Variants in BRCA1 observed in about 807,000 individuals in gnomAD.
BRCA1 encodes the protein breast cancer type 1 susceptibility protein.
Under a neutral mutation model 173.7 loss-of-function variants are expected in BRCA1, and 140 were observed. The observed-to-expected ratio is 0.81, with a 90% CI of 0.70 to 0.93. The LOEUF (loss-of-function observed/expected upper bound fraction) is 0.93, where lower values mean the gene tolerates loss of function less well. Among genes scored for constraint, BRCA1 ranks in the 40% least tolerant of loss-of-function variants. The pLI, the probability that BRCA1 is intolerant of heterozygous loss-of-function variation, is 0.00. For synonymous variants in BRCA1, 662 were observed against 756.0 expected (o/e 0.88, Z 2.04); for missense variants, 1,983 against 2,172.5 (o/e 0.91, Z 1.73).
chr17:43,143,042 ATGTATATATG>A (rs1392719077), intron 1 of BRCA1, among the ~76,000 whole-genome samples: 8 of 149,498 alleles, frequency 5.4e-5, no homozygotes, highest in African/African-American at 1.7e-4. Context: ...GTGTATATAT[ATGTATATATG>A]TGTATATATA....
intron 1 of BRCA1, among the ~76,000 whole-genome samples, chr17:43,155,534 CTT>C (rs1041261245): frequency 6.6e-6 from 1 of 151,794 alleles, no homozygotes; most frequent in Non-Finnish European, 1.5e-5. Context: ...TCCAGTGAAA[CTT>C]TTTTTGGGGG....
At chr17:43,155,555 G>A (rs1485902286) in intron 1 of BRCA1, among the ~76,000 whole-genome samples, 1 of 151,576 alleles carries the variant, frequency 6.6e-6, no homozygotes, top group Non-Finnish European at 1.5e-5. Flanking sequence ...GGGAGATGGA[G>A]TCTCACTCAC....
intron 1 of BRCA1, chr17:43,145,056 C>T (rs897403667): frequency 2.2e-5 from 18 of 806,156 alleles, no homozygotes; most frequent in Middle Eastern, 2.4e-4. Flanking sequence ...AAAGTGGAAG[C>T]GAAGCCGAAA....
chr17:43,145,494 T>G (rs956424885), intron 1 of BRCA1, among the ~76,000 whole-genome samples: 2 of 151,896 alleles, frequency 1.3e-5, no homozygotes, highest in African/African-American at 2.4e-5. Flanking sequence ...GCCCGGCTAA[T>G]TTTTTGTATT....
rs376686434 is a variant in BRCA1, at chr17:43,086,109, TACACACACACACAC to T, written c.4186-3548_4186-3535del. 2.8e-4 allele frequency among the ~76,000 whole-genome samples: 39 copies of T among 137,458 alleles called. No individual in the cohort carries two copies. In the East Asian group the frequency reaches 4.2e-3, roughly 15 times the overall value. 90.2% of individuals were successfully genotyped at this position (137,458 alleles called of 152,430 possible). A position where few individuals can be genotyped will look rare whatever the true frequency, so the allele number is the denominator to read the frequency against. On this transcript the variant is annotated intron_variant, in intron 11 of 22. Coordinates refer to ENST00000357654, the MANE Select transcript of BRCA1 (RefSeq NM_007294.4). ...TCCTATATTTATTTTATCACATACA[TACACACACACACAC>T]ACACACACACACACACACACACACA...
chr17:43,135,162 G>A (rs1233634485), intron 1 of BRCA1, among the ~76,000 whole-genome samples: 4 of 152,224 alleles, frequency 2.6e-5, no homozygotes, highest in Non-Finnish European at 4.4e-5. Flanking sequence ...CGCCTTAGGC[G>A]GTTCTGCGGA....
intron 2 of BRCA1, among the ~76,000 whole-genome samples, chr17:43,121,374 C>CA (rs1051528155): frequency 1.3e-5 from 2 of 149,872 alleles, no homozygotes; most frequent in South Asian, 2.1e-4. Context: ...GACCGTGTCT[C>CA]AAAAAAACAA....
Position 43,063,806 on chromosome 17 carries a change from A to T in BRCA1, c.5152+68T>A. On this transcript the variant is annotated intron_variant, in intron 17 of 22. Coordinates refer to ENST00000357654, the MANE Select transcript of BRCA1 (RefSeq NM_007294.4). ...GCATCAGCAAAAACCTTAGGTGTTAAACGTTAGGTGTAAAAATGCAATTCT... is the reference window on the plus strand; with the variant it reads ...GCATCAGCAAAAACCTTAGGTGTTATACGTTAGGTGTAAAAATGCAATTCT... 5 of 1,320,460 alleles carry T rather than the reference A, an allele frequency of 3.8e-6. No individual in the cohort carries two copies. The South Asian group carries it at 6.0e-5, about 16-fold the overall frequency. The allele number at this position is 1,320,460 out of a possible 1,614,324, so 81.8% of individuals were successfully genotyped here. A position where few individuals can be genotyped will look rare whatever the true frequency, so the allele number is the denominator to read the frequency against.
intron 1 of BRCA1, among the ~76,000 whole-genome samples, chr17:43,132,054 G>C (rs2055971224): frequency 6.6e-6 from 1 of 152,186 alleles, no homozygotes; most frequent in Non-Finnish European, 1.5e-5. Context: ...AAAGTTATGG[G>C]ATTACAGGCA....
chr17:43,044,911 C>T lies in BRCA1; in HGVS notation c.*767G>A, dbSNP rs1194838126. 1.9e-5 allele frequency: 9 copies of T among 474,602 alleles called. No homozygotes were observed. Among genetic ancestry groups the T allele is most frequent in the Non-Finnish European group, 3.3e-5 (8 of 241,960 alleles). The allele number at this position is 474,602 out of a possible 1,614,324, so 29.4% of individuals were successfully genotyped here. A position where few individuals can be genotyped will look rare whatever the true frequency, so the allele number is the denominator to read the frequency against. On this transcript the variant is annotated 3_prime_UTR_variant, in exon 23 of 23. Transcript: ENST00000357654. The stretch of plus-strand genomic sequence containing the variant: ...CTCCACCTCCCGGGCTGAAGTGATT[C>T]TCCTGCCTTAGCCACCTGAGTAGCT...
chr17:43,100,645 AC>A (rs1366832465), intron 6 of BRCA1, among the ~76,000 whole-genome samples: 4 of 49,618 alleles, frequency 8.1e-5, no homozygotes, highest in South Asian at 1.6e-3. Context: ...TATATATATA[AC>A]ATATATATAA....
intron 1 of BRCA1, chr17:43,144,830 G>T (rs1185573570): frequency 4.4e-6 from 2 of 450,120 alleles, no homozygotes; most frequent in Non-Finnish European, 8.5e-6. Context: ...AGACCAGCCT[G>T]GCCAACATAG....
At chr17:43,069,796 A>G (rs922215777) in intron 15 of BRCA1, among the ~76,000 whole-genome samples, 5 of 152,214 alleles carry the variant, frequency 3.3e-5, no homozygotes, top group African/African-American at 1.2e-4. Flanking sequence ...GAAAAATCCT[A>G]GGAAGGATAT....
At chr17:43,135,298 G>C (rs112258215) in intron 1 of BRCA1, among the ~76,000 whole-genome samples, 1 of 152,046 alleles carries the variant, frequency 6.6e-6, no homozygotes, top group Admixed American at 6.5e-5. Flanking sequence ...GAGCGCAGCG[G>C]CCGGCCCAGC....
chr17:43,168,266 G>A, intron 1 of BRCA1: 1 of 402,190 alleles, frequency 2.5e-6, no homozygotes, highest in South Asian at 1.9e-5. Context: ...CTGTTCCAAT[G>A]AACTTTAACA....
In BRCA1 at chr17:43,070,929, A is replaced by C. The variant is rs28897695; in HGVS notation, c.4985T>G (p.Phe1662Cys). Reference sequence around the variant, plus strand: ...GGAGATACATATGGATACACTCACAAATTCTTCTGGGGTCAGGCCAGACAC... The same window carrying C: ...GGAGATACATATGGATACACTCACACATTCTTCTGGGGTCAGGCCAGACAC... ...MVVSGLTPEE[F>C]MLVYKFARKH... is the part of the protein sequence containing the mutation. The change falls in exon 15 of 23, where the codon TTT becomes TGT. Residue 1662 changes from phenylalanine to cysteine, a missense_variant and splice_region_variant. Physicochemically the swap from Phe to Cys is radical, Grantham distance 205. Coordinates refer to ENST00000357654, the MANE Select transcript of BRCA1 (RefSeq NM_007294.4). 2.5e-6 allele frequency: 4 copies of C among 1,614,140 alleles called. No homozygotes were observed. The highest frequency in any genetic ancestry group is 3.4e-6 in the Non-Finnish European group (4 of 1,180,034).
intron 8 of BRCA1, among the ~76,000 whole-genome samples, chr17:43,096,521 G>A (rs540266584): frequency 3.7e-4 from 55 of 148,766 alleles, no homozygotes; most frequent in Non-Finnish European, 7.2e-4. Context: ...GCAGTGAGCC[G>A]AGATGGCGCC....
At chr17:43,151,263 A>T (rs1219198085) in intron 1 of BRCA1, among the ~76,000 whole-genome samples, 1 of 152,210 alleles carries the variant, frequency 6.6e-6, no homozygotes, top group Non-Finnish European at 1.5e-5. Flanking sequence ...GTCACAGTTT[A>T]ACAGCTACAT....
chr17:43,111,138 T>C (rs1237739714), intron 3 of BRCA1, among the ~76,000 whole-genome samples: 3 of 152,072 alleles, frequency 2.0e-5, no homozygotes, highest in Non-Finnish European at 4.4e-5. Flanking sequence ...TGCATTTTTT[T>C]GTTTGGAAAG....
Sources: allele counts gnomAD v4.1 joint callset (sites outside exome capture counted in the v4.1 genomes callset), GRCh38; gene constraint gnomAD v4.1.1; transcripts MANE v1.5; gene names NCBI Gene and HGNC (gene_info 2026-07-23, HGNC 2026-07-21).